The following ZNF337 variants were observed in gnomAD, a reference collection of about 807,000 sequenced individuals.
ZNF337 encodes the protein zinc finger protein 337.
A neutral mutation model predicts 12.1 loss-of-function variants in ZNF337; 8 were observed. The ratio of observed to expected loss-of-function variants is 0.66; its 90% CI spans 0.39 to 1.19. ZNF337 has a LOEUF of 1.19. Ranked by LOEUF, ZNF337 falls within the 50% of genes most tolerant of loss-of-function variation. The probability of loss-of-function intolerance (pLI) is 0.01; values close to 1 mark genes in which losing one functional copy is unlikely to be tolerated. For synonymous variants in ZNF337, 336 were observed against 320.0 expected (o/e 1.05, Z -0.53); for missense variants, 882 against 896.6 (o/e 0.98, Z 0.21).
intron 4 of ZNF337, among the ~76,000 whole-genome samples, chr20:25,678,937 T>C (rs2065737405): frequency 6.6e-6 from 1 of 152,146 alleles, no homozygotes; most frequent in African/African-American, 2.4e-5. Context: ...AGCAAGACCC[T>C]GTCCATAGAA....
chr20:25,675,728 A>G lies in ZNF337; in HGVS notation c.1560T>C (p.Asp520=), dbSNP rs757054705. 3.4e-5 allele frequency: 55 copies of G among 1,610,180 alleles called. 1 individual carries two copies. The highest frequency in any genetic ancestry group is 4.3e-5 in the Non-Finnish European group (51 of 1,178,684). Residue 520 remains aspartate, a synonymous_variant, in exon 5 of 5, where the codon GAT becomes GAC. Transcript: ENST00000252979. ...GCTTCAAGGTAAAGCCTCGCCCACA[A>G]TCCCTGCAGAAAAAACGTTTCTCAC... is the stretch of plus-strand genomic sequence containing the variant. ...HLGEKRFFCR[D]CGRGFTLKPN... is the part of the protein sequence containing the mutation.
intron 1 of ZNF337, among the ~76,000 whole-genome samples, chr20:25,695,297 C>CA (rs1206851951): frequency 2.0e-5 from 3 of 151,968 alleles, no homozygotes; most frequent in East Asian, 1.9e-4. Context: ...CACAAAAACC[C>CA]AAAAAACTGA....
intron 4 of ZNF337, among the ~76,000 whole-genome samples, chr20:25,685,228 CA>C (rs891125006): frequency 6.6e-6 from 1 of 150,944 alleles, no homozygotes; most frequent in African/African-American, 2.4e-5. Context: ...CAAAACAAAA[CA>C]AAAAGAAGCT....
intron 4 of ZNF337, among the ~76,000 whole-genome samples, chr20:25,678,548 A>G (rs1018666214): frequency 6.6e-6 from 1 of 152,192 alleles, no homozygotes; most frequent in Non-Finnish European, 1.5e-5. Flanking sequence ...AAGACCTCCA[A>G]TAGGCAATAG....
At chr20:25,686,700 GA>G (rs2065837082) in intron 1 of ZNF337, 3 of 516,872 alleles carry the variant, frequency 5.8e-6, no homozygotes, top group Admixed American at 7.3e-5. Flanking sequence ...TTACATCACT[GA>G]GGGGCTAAAA....
At position 25,696,652 on chromosome 20, in the gene ZNF337, C is replaced by T. The variant is rs907879302; in HGVS notation, c.-50+107G>A. 10 of 789,700 alleles carry T rather than the reference C, an allele frequency of 1.3e-5. No individual in the cohort carries two copies. The East Asian group carries it at 8.9e-4, about 70-fold the overall frequency. 48.9% of individuals were successfully genotyped at this position (789,700 alleles called of 1,614,324 possible). A position where few individuals can be genotyped will look rare whatever the true frequency, so the allele number is the denominator to read the frequency against. ...CGCGGAGACGCCGGGCCTGGAGGAG[C>T]GCGCGCTACGGCCCCAGCAGCGCCC... On this transcript the variant is annotated intron_variant, in intron 1 of 4. Transcript: ENST00000252979.
chr20:25,682,710 A>G (rs1036351463), intron 4 of ZNF337, among the ~76,000 whole-genome samples: 1 of 152,010 alleles, frequency 6.6e-6, no homozygotes, highest in Admixed American at 6.6e-5. Flanking sequence ...TGGTGAGGAC[A>G]TGTAGTCCCA....
chr20:25,685,367 G>A (rs2065818429), intron 4 of ZNF337, among the ~76,000 whole-genome samples, 200 bp downstream of exon 4: 1 of 152,160 alleles, frequency 6.6e-6, no homozygotes, highest in Non-Finnish European at 1.5e-5. Flanking sequence ...AGGGGGAAAG[G>A]AGGCTTCCTG....
Position 25,691,053 on chromosome 20 carries a change from T to C in ZNF337, c.-49-4587A>G, listed in dbSNP as rs750688164. On this transcript the variant is annotated intron_variant, in intron 1 of 4. Coordinates refer to ENST00000252979, the MANE Select transcript of ZNF337 (RefSeq NM_015655.4). ...GACAGATTTTAGACTGTCTAAAATA[T>C]TCTCAAAAACTCATGAAACACGGGT... 3.8e-4 allele frequency among the ~76,000 whole-genome samples: 58 copies of C among 152,100 alleles called. 1 individual carries two copies. The highest frequency in any genetic ancestry group is 7.6e-4 in the Non-Finnish European group (52 of 68,024).
chr20:25,677,142 A>G (rs1431749161), intron 4 of ZNF337, 105 bp from the exon 5 acceptor site: 1 of 956,488 alleles, frequency 1.0e-6, no homozygotes, highest in African/African-American at 1.7e-5. Context: ...ATAAACTCAT[A>G]AAGAACAACA....
In ZNF337 at chr20:25,686,475, G is replaced by A. The variant is rs910376647; in HGVS notation, c.-49-9C>T. ...GCTTGCAGATGGCCAATCTGTGGGAGGAGAGAAGTCAGAGGGTGGCTGGGT... is the reference window on the plus strand; with the variant it reads ...GCTTGCAGATGGCCAATCTGTGGGAAGAGAGAAGTCAGAGGGTGGCTGGGT... On this transcript the variant is annotated splice_polypyrimidine_tract_variant and intron_variant, in intron 1 of 4. Coordinates refer to ENST00000252979, the MANE Select transcript of ZNF337 (RefSeq NM_015655.4). 5 of 1,607,728 alleles carry A rather than the reference G, an allele frequency of 3.1e-6. No homozygotes were observed. The highest frequency in any genetic ancestry group is 1.3e-5 in the African/African-American group (1 of 74,920).
chr20:25,696,672 G>A (rs1402430824), intron 1 of ZNF337, 87 bp downstream of exon 1: 23 of 899,442 alleles, frequency 2.6e-5, no homozygotes, highest in Non-Finnish European at 3.1e-5. Context: ...GGCCCCAGCA[G>A]CGCCCTCACG....
chr20:25,687,663 A>G (rs1409640258), intron 1 of ZNF337, among the ~76,000 whole-genome samples: 1 of 152,252 alleles, frequency 6.6e-6, no homozygotes, highest in Non-Finnish European at 1.5e-5. Context: ...AAGTCATGCA[A>G]GAAGCTGCCT....
chr20:25,693,485 A>C (rs1201282728), intron 1 of ZNF337, among the ~76,000 whole-genome samples: 1 of 152,250 alleles, frequency 6.6e-6, no homozygotes, highest in African/African-American at 2.4e-5. Flanking sequence ...AATGACTATA[A>C]AGCCCTGTCC....
chr20:25,689,517 C>T (rs560686834), intron 1 of ZNF337, among the ~76,000 whole-genome samples: 1 of 152,224 alleles, frequency 6.6e-6, no homozygotes, highest in East Asian at 1.9e-4. Context: ...TTGAAATGTT[C>T]TGTATCTTGA....
In ZNF337 at chr20:25,676,887, C is replaced by T; in HGVS notation, c.401G>A (p.Ser134Asn). ...GCTTACTGCATGTCTTAGGGGTGGGCTGGAAAATGCCATGGGCTTAGTGCT... is the reference window on the plus strand; with the variant it reads ...GCTTACTGCATGTCTTAGGGGTGGGTTGGAAAATGCCATGGGCTTAGTGCT... ...EKSTKPMAFSSPPLRHAVSSR... is the reference protein window; with the variant it reads ...EKSTKPMAFSNPPLRHAVSSR... The change falls in exon 5 of 5, where the codon AGC becomes AAC. Residue 134 changes from serine to asparagine, a missense_variant. Transcript: ENST00000252979. The T allele has an allele frequency of 1.9e-6, 3 of 1,614,160 alleles. No homozygotes were observed. Among genetic ancestry groups the T allele is most frequent in the South Asian group, 2.2e-5 (2 of 91,088 alleles).
chr20:25,681,416 G>C (rs1019022637), intron 4 of ZNF337, among the ~76,000 whole-genome samples: 1 of 152,046 alleles, frequency 6.6e-6, no homozygotes, highest in African/African-American at 2.4e-5. Context: ...ATTTTTTATG[G>C]GGTGGTGGGA....
chr20:25,685,120 T>TA lies in ZNF337; in HGVS notation c.250+446dup, dbSNP rs553976436. On this transcript the variant is annotated intron_variant, in intron 4 of 4. Transcript: ENST00000252979. Reference sequence around the variant, plus strand: ...TGCACATATACCCCAGAACTTAAATTAAAAAAAAAAAAGAAAATCAGTATA... The same window carrying TA: ...TGCACATATACCCCAGAACTTAAATTAAAAAAAAAAAAAGAAAATCAGTATA... Among the ~76,000 whole-genome samples the TA allele has an allele frequency of 8.3e-3, 1,142 of 137,652 alleles. 21 individuals carry two copies. The highest frequency in any genetic ancestry group is 0.027 in the African/African-American group (1,047 of 38,126). The allele number at this position is 137,652 out of a possible 152,430, so 90.3% of individuals were successfully genotyped here. A position where few individuals can be genotyped will look rare whatever the true frequency, so the allele number is the denominator to read the frequency against.
At chr20:25,695,144 G>A (rs1455964920) in intron 1 of ZNF337, among the ~76,000 whole-genome samples, 1 of 152,122 alleles carries the variant, frequency 6.6e-6, no homozygotes, top group Admixed American at 6.5e-5. Flanking sequence ...GGTGGCGGGC[G>A]CCTGTAGTCC....
Sources: gnomAD v4.1 joint callset for allele counts (sites outside exome capture counted in the v4.1 genomes callset) on GRCh38, gnomAD v4.1.1 for gene constraint, MANE v1.5 for transcripts, NCBI Gene and HGNC (gene_info 2026-07-23, HGNC 2026-07-21) for gene names.